LGI4: variants seen among roughly 807,000 people sequenced by gnomAD.
LGI4 encodes the protein leucine-rich repeat LGI family member 4.
LGI4 carries 36 observed loss-of-function variants against 48.3 expected under a neutral mutation model. That is an observed-to-expected ratio of 0.75 (90% CI 0.57 to 0.98). The LOEUF is 0.98. Among genes scored for constraint, LGI4 ranks in the 50% least tolerant of loss-of-function variants. The pLI, the probability that LGI4 is intolerant of heterozygous loss-of-function variation, is 0.00. For synonymous variants in LGI4, 355 were observed against 331.6 expected (o/e 1.07, Z -0.77); for missense variants, 701 against 732.1 (o/e 0.96, Z 0.49).
chr19:35,130,413 G>A (rs762079116), intron 6 of LGI4, among the ~76,000 whole-genome samples: 1 of 152,146 alleles, frequency 6.6e-6, no homozygotes, highest in Non-Finnish European at 1.5e-5. Flanking sequence ...GGCCGGGTGT[G>A]GTGGCACATG....
chr19:35,125,972 T>G, intron 8 of LGI4: 1 of 541,524 alleles, frequency 1.8e-6, no homozygotes, highest in East Asian at 3.3e-5. Context: ...GCATCAGCCT[T>G]GGGGGCTCAG....
chr19:35,128,310 C>T (rs1289688070), intron 6 of LGI4, among the ~76,000 whole-genome samples: 1 of 152,246 alleles, frequency 6.6e-6, no homozygotes, highest in African/African-American at 2.4e-5. Context: ...ACTCTGCGTG[C>T]CAGGCCCTGT....
At position 35,134,555 on chromosome 19, in the gene LGI4, G is replaced by A. The variant is rs1421407901; in HGVS notation, c.126C>T (p.Gly42=). 1 of 1,585,770 alleles carries A rather than the reference G, an allele frequency of 6.3e-7. No homozygotes were observed. Among genetic ancestry groups the A allele is most frequent in the South Asian group, 1.2e-5 (1 of 86,652 alleles). ...AGAAGCTGACGGGCAGGTCCGGGGA[G>A]CCCTCACACAGGGCGCTGTCTTTAG... is the stretch of plus-strand genomic sequence containing the variant. The part of the protein sequence containing the change: ...SCSKDSALCE[G]SPDLPVSFSP... The change falls in exon 1 of 9, where the codon GGC becomes GGT. Residue 42 remains glycine (G), a synonymous_variant. Transcript: ENST00000310123.
chr19:35,131,043 A>G lies in LGI4; in HGVS notation c.628+343T>C, dbSNP rs957071349. The G allele has an allele frequency of 6.9e-6, 4 of 581,880 alleles. No homozygotes were observed. In the Admixed American group the frequency reaches 1.0e-4, roughly 15 times the overall value. The allele number at this position is 581,880 out of a possible 1,614,324, so 36.0% of individuals were successfully genotyped here. ...GTCAATGTAAAGGAGGTGACATTGC[A>G]CCTGCAGTTCTTAGCGCAATACTTG... On this transcript the variant is annotated intron_variant, in intron 6 of 8. Coordinates refer to ENST00000310123, the MANE Select transcript of LGI4 (RefSeq NM_139284.3).
chr19:35,124,513 G>A lies in LGI4; in HGVS notation c.*680C>T, dbSNP rs961219866. On this transcript the variant is annotated 3_prime_UTR_variant, in exon 9 of 9. Transcript: ENST00000310123. Reference sequence around the variant, plus strand: ...CCAAGGATCCACAACACTGGGCGGGGAGGGTGCACAGCGCATTTATTGAGC... The same window carrying A: ...CCAAGGATCCACAACACTGGGCGGGAAGGGTGCACAGCGCATTTATTGAGC... 8.5e-5 allele frequency: 13 copies of A among 152,384 alleles called. No individual in the cohort carries two copies. Among genetic ancestry groups the A allele is most frequent in the African/African-American group, 3.1e-4 (13 of 41,582 alleles). The allele number at this position is 152,384 out of a possible 1,614,324, so 9.4% of individuals were successfully genotyped here. A position where few individuals can be genotyped will look rare whatever the true frequency, so the allele number is the denominator to read the frequency against.
At chr19:35,129,555 C>T (rs530163475) in intron 6 of LGI4, among the ~76,000 whole-genome samples, 3 of 152,216 alleles carry the variant, frequency 2.0e-5, no homozygotes, top group South Asian at 2.1e-4. Flanking sequence ...CTATGCAGGA[C>T]GTGCTTTGTT....
intron 6 of LGI4, among the ~76,000 whole-genome samples, chr19:35,128,397 C>T (rs1218879665): frequency 6.6e-6 from 1 of 152,150 alleles, no homozygotes; most frequent in African/African-American, 2.4e-5. Context: ...TTTTAAATGG[C>T]TATCAAATCA....
intron 2 of LGI4, 119 bp from the exon 3 acceptor site, chr19:35,133,883 GA>G: frequency 7.6e-7 from 1 of 1,311,678 alleles, no homozygotes; most frequent in Non-Finnish European, 1.1e-6. Flanking sequence ...TATGTGCATG[GA>G]CACAAATGCT....
In LGI4 at chr19:35,126,987, G is replaced by A. The variant is rs138075607; in HGVS notation, c.659C>T (p.Ser220Leu). Residue 220 changes from serine to leucine, a missense_variant, in exon 7 of 9, where the codon TCG becomes TTG. Physicochemically the swap from Ser to Leu is moderately radical, Grantham distance 145 (BLOSUM62 -2). This residue lies in a region of LGI4 where 462 missense variants were observed against 436.4 expected (regional missense o/e 1.06). Transcript: ENST00000310123. ...ELSWFQTVGE[S>L]ALSVEPFSYQ... ...GGAGAAGGGCTCTACGCTCAGTGCC[G>A]ACTCCCCCACCGTCTGGAACCAGGA... 3.1e-6 allele frequency: 5 copies of A among 1,605,052 alleles called. No homozygotes were observed. The highest frequency in any genetic ancestry group is 1.7e-4 in the Middle Eastern group (1 of 6,060).
chr19:35,126,501 C>T lies in LGI4; in HGVS notation c.1068G>A (p.Gln356=). Residue 356 remains glutamine (Q), a synonymous_variant, in exon 8 of 9, where the codon CAG becomes CAA. Coordinates refer to ENST00000310123, the MANE Select transcript of LGI4 (RefSeq NM_139284.3). ...TGTCCCGGTGCCAGGCGTGCAGGCT[C>T]TGGTGCGGGTAAAAGCCGGGCCCGT... ...CRDGPGFYPH[Q]SLHAWHRDTD... is the part of the protein sequence containing the mutation. 2 of 1,554,740 alleles carry T rather than the reference C, an allele frequency of 1.3e-6. No homozygotes were observed. Among genetic ancestry groups the T allele is most frequent in the Non-Finnish European group, 1.7e-6 (2 of 1,154,530 alleles).
Position 35,134,830 on chromosome 19 carries a change from A to G in LGI4, c.-150T>C. 1 of 560,106 alleles carries G rather than the reference A, an allele frequency of 1.8e-6. No homozygotes were observed. The highest frequency in any genetic ancestry group is 3.1e-6 in the Non-Finnish European group (1 of 319,066). The allele number at this position is 560,106 out of a possible 1,614,324, so 34.7% of individuals were successfully genotyped here. A position where few individuals can be genotyped will look rare whatever the true frequency, so the allele number is the denominator to read the frequency against. ...CTCTCCTCTTCTCCGTCTTTCTTTCAGTCGGCCTTCCTCCCTGTTCGTATG... is the reference window on the plus strand; with the variant it reads ...CTCTCCTCTTCTCCGTCTTTCTTTCGGTCGGCCTTCCTCCCTGTTCGTATG... On this transcript the variant is annotated 5_prime_UTR_variant, in exon 1 of 9. Transcript: ENST00000310123.
At chr19:35,132,925 G>A (rs2065185513) in intron 3 of LGI4, among the ~76,000 whole-genome samples, 1 of 151,802 alleles carries the variant, frequency 6.6e-6, no homozygotes. Flanking sequence ...CACCAACCCA[G>A]TACCAACAAC....
chr19:35,130,291 C>T (rs545743153), intron 6 of LGI4, among the ~76,000 whole-genome samples: 2 of 152,326 alleles, frequency 1.3e-5, no homozygotes, highest in Admixed American at 1.3e-4. Flanking sequence ...TTTTCTCAGT[C>T]TCTCTTCTCC....
At chr19:35,131,640 C>G (rs923914775) in intron 5 of LGI4, 85 bp from the exon 6 acceptor site, 111 of 1,492,878 alleles carry the variant, frequency 7.4e-5, no homozygotes, top group Middle Eastern at 6.0e-4. Context: ...GGCAAGTGTC[C>G]CCAGAGATGG....
chr19:35,131,996 T>C lies in LGI4; in HGVS notation c.361A>G (p.Arg121Gly). The stretch of plus-strand genomic sequence containing the variant: ...AGGTGTGTAAGCGAGCGAAGTCCTC[T>C]GAGGGCATTCTTAGAGATGGAGCCA... ...EIGSISKNAL[R>G]GLRSLTHLSL... The change falls in exon 4 of 9, where the codon AGA becomes GGA. Residue 121 changes from arginine (R) to glycine (G), a missense_variant. Coordinates refer to ENST00000310123, the MANE Select transcript of LGI4 (RefSeq NM_139284.3). 1 of 1,588,994 alleles carries C rather than the reference T, an allele frequency of 6.3e-7. No homozygotes were observed. The highest frequency in any genetic ancestry group is 1.8e-5 in the Admixed American group (1 of 56,282).
At position 35,127,016 on chromosome 19, in the gene LGI4, C is replaced by A; in HGVS notation, c.630G>T (p.Glu210Asp). ...CCCCCACCGTCTGGAACCAGGACAG[C>A]TCTGTGGGTGGAGAAGAGAGTCAGG... ...DPKTFKCRAI[E>D]LSWFQTVGES... The change falls in exon 7 of 9, where the codon GAG becomes GAT. Residue 210 changes from glutamate to aspartate, a missense_variant and splice_region_variant. Glu to Asp is a conservative substitution (Grantham distance 45, BLOSUM62 2). Coordinates refer to ENST00000310123, the MANE Select transcript of LGI4 (RefSeq NM_139284.3). 6.3e-7 allele frequency: 1 copy of A among 1,584,124 alleles called. No homozygotes were observed. Among genetic ancestry groups the A allele is most frequent in the Non-Finnish European group, 8.6e-7 (1 of 1,160,682 alleles).
chr19:35,125,978 C>A, intron 8 of LGI4: 1 of 550,324 alleles, frequency 1.8e-6, no homozygotes, highest in South Asian at 2.0e-5. Flanking sequence ...GCCTTGGGGG[C>A]TCAGTGTCAG....
At position 35,131,349 on chromosome 19, in the gene LGI4, A is replaced by G. The variant is rs1455519982; in HGVS notation, c.628+37T>C. 13 of 1,549,844 alleles carry G rather than the reference A, an allele frequency of 8.4e-6. No individual in the cohort carries two copies. In the African/African-American group the frequency reaches 1.8e-4, roughly 21 times the overall value. The stretch of plus-strand genomic sequence containing the variant: ...TTGGCCCTGGCAGCCTTTCCCCCAG[A>G]TCTCCCGCCTCCCACCCCATCGGGA... On this transcript the variant is annotated intron_variant, in intron 6 of 8. Coordinates refer to ENST00000310123, the MANE Select transcript of LGI4 (RefSeq NM_139284.3).
chr19:35,127,076 G>A, intron 6 of LGI4, 59 bp from the exon 7 acceptor site: 1 of 1,488,836 alleles, frequency 6.7e-7, no homozygotes, highest in Admixed American at 2.2e-5. Context: ...TCATTGCTGA[G>A]CCTCAGTTTG....
Sources: gnomAD v4.1 joint callset for allele counts (sites outside exome capture counted in the v4.1 genomes callset) on GRCh38, gnomAD v4.1.1 for gene constraint, gnomAD v4.1.1 regional missense constraint, MANE v1.5 for transcripts, NCBI Gene and HGNC (gene_info 2026-07-23, HGNC 2026-07-21) for gene names.